PIP5K1B: variants seen among roughly 807,000 people sequenced by gnomAD.
PIP5K1B encodes phosphatidylinositol 4-phosphate 5-kinase type-1 beta.
In PIP5K1B, 42 loss-of-function variants were observed where a neutral mutation model predicts 67.0. The observed-to-expected ratio is 0.63, with a 90% confidence interval of 0.49 to 0.81. PIP5K1B has a LOEUF of 0.81. Among genes scored for constraint, PIP5K1B ranks in the 30% least tolerant of loss-of-function variants. The probability of loss-of-function intolerance (pLI) is 0.00; values close to 1 mark genes in which losing one functional copy is unlikely to be tolerated. For missense variants in PIP5K1B, 459 were observed against 646.3 expected (o/e 0.71, Z 3.14); for synonymous variants, 214 against 231.4 (o/e 0.92, Z 0.68).
chr9:68,745,337 C>T (rs1292313773), intron 2 of PIP5K1B, among the ~76,000 whole-genome samples: 2 of 152,160 alleles, frequency 1.3e-5, no homozygotes, highest in Non-Finnish European at 2.9e-5. Context: ...GCAGTCTGAC[C>T]TACTTGTAGC....
intron 14 of PIP5K1B, among the ~76,000 whole-genome samples, chr9:68,968,615 A>G (rs572715502): frequency 6.6e-6 from 1 of 151,968 alleles, no homozygotes; most frequent in African/African-American, 2.4e-5. Flanking sequence ...TTTCTAGCAC[A>G]TGATATTTCA....
chr9:68,804,690 C>T (rs1267443538), intron 2 of PIP5K1B, among the ~76,000 whole-genome samples: 1 of 149,656 alleles, frequency 6.7e-6, no homozygotes, highest in Non-Finnish European at 1.5e-5. Flanking sequence ...CTCCTGAGTT[C>T]AAGTGATCCT....
chr9:68,854,216 T>C (rs1822652780), intron 4 of PIP5K1B, among the ~76,000 whole-genome samples: 1 of 151,204 alleles, frequency 6.6e-6, no homozygotes. Flanking sequence ...CTACAACCTT[T>C]ACCTCCTAGG....
intron 15 of PIP5K1B, among the ~76,000 whole-genome samples, chr9:68,998,364 C>T (rs1003377680): frequency 3.3e-5 from 5 of 152,188 alleles, no homozygotes; most frequent in Non-Finnish European, 7.3e-5. Flanking sequence ...TTTCCACTTT[C>T]TTAAAAGCTA....
intron 4 of PIP5K1B, among the ~76,000 whole-genome samples, chr9:68,857,191 C>G (rs1375672331): frequency 6.6e-6 from 1 of 152,202 alleles, no homozygotes; most frequent in African/African-American, 2.4e-5. Context: ...TTTAGGACTT[C>G]TGACCTCCAG....
At chr9:68,919,634 T>A (rs1206615587) in intron 10 of PIP5K1B, 47 bp from the exon 11 acceptor site, 1 of 1,411,602 alleles carries the variant, frequency 7.1e-7, no homozygotes, top group Non-Finnish European at 1.0e-6. Context: ...AATCACCAAA[T>A]GAGAGTGATT....
At chr9:68,875,931 C>T (rs1029361022) in intron 5 of PIP5K1B, among the ~76,000 whole-genome samples, 2 of 152,118 alleles carry the variant, frequency 1.3e-5, no homozygotes, top group Non-Finnish European at 1.5e-5. Context: ...GTGGATCCCT[C>T]TATGGATCTG....
chr9:68,877,465 A>T (rs1199143067), intron 6 of PIP5K1B, among the ~76,000 whole-genome samples: 1 of 152,202 alleles, frequency 6.6e-6, no homozygotes, highest in Admixed American at 6.5e-5. Context: ...GGTTTGTTTC[A>T]TAATTTGATC....
At chr9:68,970,532 C>T (rs1167665380) in intron 14 of PIP5K1B, among the ~76,000 whole-genome samples, 1 of 152,152 alleles carries the variant, frequency 6.6e-6, no homozygotes, top group East Asian at 1.9e-4. Context: ...GTTGTGAATA[C>T]CAAGATGGAT....
intron 5 of PIP5K1B, among the ~76,000 whole-genome samples, chr9:68,866,131 G>C (rs1351422651): frequency 6.6e-6 from 1 of 151,824 alleles, no homozygotes; most frequent in Non-Finnish European, 1.5e-5. Context: ...TTAAAATATA[G>C]CAATTTAGAG....
chr9:68,831,341 T>C (rs1166106500), intron 4 of PIP5K1B, among the ~76,000 whole-genome samples: 2 of 152,256 alleles, frequency 1.3e-5, no homozygotes, highest in Non-Finnish European at 2.9e-5. Context: ...GCTATCATTC[T>C]AAGCACTTTA....
intron 1 of PIP5K1B, among the ~76,000 whole-genome samples, chr9:68,739,579 T>C (rs947213308): frequency 2.6e-5 from 4 of 152,254 alleles, no homozygotes; most frequent in Admixed American, 6.5e-5. Context: ...CTTCCCTTAA[T>C]ACCAAAGTAA....
intron 2 of PIP5K1B, among the ~76,000 whole-genome samples, chr9:68,798,117 T>A (rs1587467747): frequency 6.6e-6 from 1 of 152,224 alleles, no homozygotes; most frequent in African/African-American, 2.4e-5. Flanking sequence ...AAATAATCTG[T>A]TGGAGCCCAG....
chr9:68,882,612 G>A (rs147012602), intron 6 of PIP5K1B, among the ~76,000 whole-genome samples: 113 of 151,892 alleles, frequency 7.4e-4, no homozygotes, highest in African/African-American at 2.5e-3. Context: ...ACCTCTTTCC[G>A]GATCACCCCC....
At chr9:68,809,565 C>G (rs1170257932) in intron 2 of PIP5K1B, among the ~76,000 whole-genome samples, 1 of 152,120 alleles carries the variant, frequency 6.6e-6, no homozygotes, top group Non-Finnish European at 1.5e-5. Flanking sequence ...AGGTAACATC[C>G]TAAACCTCGG....
At chr9:68,986,803 C>T (rs1424760503) in intron 14 of PIP5K1B, among the ~76,000 whole-genome samples, 1 of 151,958 alleles carries the variant, frequency 6.6e-6, no homozygotes, top group Non-Finnish European at 1.5e-5. Context: ...TCATAGCTTC[C>T]AAAAATAAAA....
At chr9:68,969,045 A>G (rs921319507) in intron 14 of PIP5K1B, among the ~76,000 whole-genome samples, 2 of 152,156 alleles carry the variant, frequency 1.3e-5, no homozygotes, top group Admixed American at 1.3e-4. Flanking sequence ...TGCAACTGGG[A>G]TGTTAATACC....
chr9:68,903,825 T>C (rs903673358), intron 8 of PIP5K1B, among the ~76,000 whole-genome samples: 1 of 152,240 alleles, frequency 6.6e-6, no homozygotes, highest in African/African-American at 2.4e-5. Context: ...ATATAACCTA[T>C]AGATACCAAA....
chr9:68,735,196 C>T (rs893255890), intron 1 of PIP5K1B, among the ~76,000 whole-genome samples: 10 of 151,848 alleles, frequency 6.6e-5, no homozygotes, highest in Admixed American at 5.3e-4. Context: ...TCTTATATAC[C>T]CCATACCAGT....
Sources: gnomAD v4.1 joint callset for allele counts (sites outside exome capture counted in the v4.1 genomes callset) on GRCh38, gnomAD v4.1.1 for gene constraint, MANE v1.5 for transcripts, NCBI Gene and HGNC (gene_info 2026-07-23, HGNC 2026-07-21) for gene names.